ZNF735: variants seen among roughly 807,000 people sequenced by gnomAD.
ZNF735 encodes zinc finger protein 735.
A neutral mutation model predicts 13.4 loss-of-function variants in ZNF735; 11 were observed. The observed-to-expected ratio is 0.82, with a 90% CI of 0.52 to 1.36. The LOEUF (loss-of-function observed/expected upper bound fraction) is 1.36, where lower values mean the gene tolerates loss of function less well. Among genes scored for constraint, ZNF735 ranks in the 40% most tolerant of loss-of-function variants. The pLI, the probability that ZNF735 is intolerant of heterozygous loss-of-function variation, is 0.00. For synonymous variants in ZNF735, 171 were observed against 162.6 expected, an observed-to-expected ratio of 1.05 and a Z score of -0.39; for missense variants, 500 against 484.6, an observed-to-expected ratio of 1.03 and a Z score of -0.30.
intron 3 of ZNF735, 83 bp downstream of exon 3, chr7:64,214,191 C>A (rs1787393215): frequency 2.2e-6 from 3 of 1,372,486 alleles, no homozygotes; most frequent in Non-Finnish European, 3.0e-6. Context: ...ATGTGGTCTG[C>A]AGAGCTGTGC....
At chr7:64,207,797 A>G (rs1787307055) in intron 1 of ZNF735, among the ~76,000 whole-genome samples, 1 of 152,100 alleles carries the variant, frequency 6.6e-6, no homozygotes, top group East Asian at 1.9e-4. Context: ...GACCAGCATG[A>G]CCAACATGGT....
At chr7:64,219,543 A>G (rs563523760) in exon 4 of ZNF735, 1 of 1,593,686 alleles carries the variant, frequency 6.3e-7, no homozygotes, top group African/African-American at 1.3e-5. Flanking sequence ...AATGTGTCAA[A>G]GTCTTCAGTA....
At chr7:64,220,078 C>G (rs962865474) in exon 4 of ZNF735, 1 of 1,613,478 alleles carries the variant, frequency 6.2e-7, no homozygotes, top group Non-Finnish European at 8.5e-7. Flanking sequence ...TCTTAAGACA[C>G]ATAAGATAAT....
rs1787462539 is a variant in ZNF735, at chr7:64,219,588, T to A, written c.537T>A (p.Tyr179Ter). ...ATTCCAATAGACACAATGCAAGATA[T>A]ACTGGAAAGAAACATTTGAAATGTA... Residue 179 changes from tyrosine to a stop codon, truncating the protein, a stop_gained, in exon 4 of 4, where the codon TAT (tyrosine) becomes TAA (stop). Coordinates refer to ENST00000429565, the Ensembl canonical transcript of ZNF735. LOFTEE classifies it low-confidence loss of function (END_TRUNC). 6.3e-7 allele frequency: 1 copy of A among 1,577,318 alleles called. No individual in the cohort carries two copies. Among genetic ancestry groups the A allele is most frequent in the Non-Finnish European group, 8.6e-7 (1 of 1,159,822 alleles).
At chr7:64,220,104 A>G (rs972559613) in exon 4 of ZNF735, 1 of 1,613,522 alleles carries the variant, frequency 6.2e-7, no homozygotes, top group Admixed American at 1.7e-5. Flanking sequence ...CTGGAGAGAA[A>G]CCCTACACAT....
exon 3 of ZNF735, chr7:64,214,091 T>C: frequency 6.2e-7 from 1 of 1,600,300 alleles, no homozygotes; most frequent in Non-Finnish European, 8.5e-7. Context: ...AGAAATGAGA[T>C]GGCAGCCAAA....
chr7:64,210,659 T>C (rs1376920557), intron 1 of ZNF735, among the ~76,000 whole-genome samples: 1 of 152,140 alleles, frequency 6.6e-6, no homozygotes, highest in African/African-American at 2.4e-5. Context: ...CGTGCTCCCA[T>C]TACTGTAAAG....
chr7:64,215,043 A>G (rs1452066848), intron 3 of ZNF735, among the ~76,000 whole-genome samples: 3 of 150,654 alleles, frequency 2.0e-5, no homozygotes, highest in Admixed American at 6.6e-5. Flanking sequence ...ATTTAGTTTA[A>G]TCATTTGTCC....
At chr7:64,213,366 T>C in intron 2 of ZNF735, 148 bp downstream of exon 2, 1 of 846,822 alleles carries the variant, frequency 1.2e-6, no homozygotes, top group Non-Finnish European at 1.8e-6. Context: ...ATTAAATTCT[T>C]CAAGATGTTT....
chr7:64,213,163 GC>G lies in ZNF735; in HGVS notation c.112del (p.Gln38ArgfsTer7). 6.2e-7 allele frequency: 1 copy of G among 1,613,000 alleles called. No individual in the cohort carries two copies. On this transcript the variant is annotated frameshift_variant, in exon 2 of 4. Transcript: ENST00000429565. LOFTEE classifies it high-confidence loss of function. The stretch of plus-strand genomic sequence containing the variant: ...AGTGGCAATGCCTGGATCATGCTCA[GC>G]AGAATTTATATAGAGATGTGATGTT...
chr7:64,213,423 C>T (rs1787383714), intron 2 of ZNF735, among the ~76,000 whole-genome samples: 1 of 152,096 alleles, frequency 6.6e-6, no homozygotes, highest in South Asian at 2.1e-4. Context: ...GTATCTTTTG[C>T]TCTAGGTTAG....
At position 64,219,865 on chromosome 7, in the gene ZNF735, G is replaced by T; in HGVS notation, c.814G>T (p.Glu272Ter). The T allele has an allele frequency of 3.7e-6, 6 of 1,613,538 alleles. No homozygotes were observed. Among genetic ancestry groups the T allele is most frequent in the Non-Finnish European group, 5.1e-6 (6 of 1,179,816 alleles). The change falls in exon 4 of 4, where the codon GAA becomes TAA. Residue 272 changes from glutamate (E) to a stop codon, truncating the protein, a stop_gained. Transcript: ENST00000429565. LOFTEE classifies it low-confidence loss of function (END_TRUNC). ...CACTGGAGAGAAACCCTACGCATGT[G>T]AAGAATGTGGCCAAGCCTTTAGGCG...
At chr7:64,211,800 A>G (rs1370105629) in intron 1 of ZNF735, among the ~76,000 whole-genome samples, 1 of 151,494 alleles carries the variant, frequency 6.6e-6, no homozygotes, top group Non-Finnish European at 1.5e-5. Flanking sequence ...CAGGAGGCGG[A>G]GGTTGCAGTG....
intron 3 of ZNF735, among the ~76,000 whole-genome samples, chr7:64,217,495 A>AG (rs1020121570): frequency 1.1e-4 from 16 of 151,620 alleles, no homozygotes; most frequent in African/African-American, 3.9e-4. Flanking sequence ...TTTTATTTAA[A>AG]TTTTTTATTT....
At chr7:64,207,696 A>G (rs1011088123) in intron 1 of ZNF735, among the ~76,000 whole-genome samples, 1 of 152,202 alleles carries the variant, frequency 6.6e-6, no homozygotes, top group Non-Finnish European at 1.5e-5. Context: ...TGATTCAAGA[A>G]TCATAGAGCG....
In ZNF735 at chr7:64,213,358, T is replaced by C. The variant is rs192262395; in HGVS notation, c.166+140T>C. The stretch of plus-strand genomic sequence containing the variant: ...ATCTTGGGGATTCATTGGTGTAGAT[T>C]AAATTCTTCAAGATGTTTTATCTTG... On this transcript the variant is annotated intron_variant, in intron 2 of 3. Coordinates refer to ENST00000429565, the Ensembl canonical transcript of ZNF735. 21 of 867,624 alleles carry C rather than the reference T, an allele frequency of 2.4e-5. No individual in the cohort carries two copies. The African/African-American group carries it at 2.6e-4, about 11-fold the overall frequency. 53.7% of individuals were successfully genotyped at this position (867,624 alleles called of 1,614,324 possible).
intron 1 of ZNF735, among the ~76,000 whole-genome samples, chr7:64,210,783 CA>C (rs770816138): frequency 6.6e-6 from 1 of 152,124 alleles, no homozygotes; most frequent in East Asian, 1.9e-4. Context: ...TTATACACAA[CA>C]AAAATGGGTG....
intron 2 of ZNF735, among the ~76,000 whole-genome samples, chr7:64,213,474 A>C (rs10267331): frequency 0.72 from 108,808 of 152,030 alleles, 39,519 homozygotes; most frequent in East Asian, 0.9. Context: ...TAGCGTTGCC[A>C]ACACCTTAGA....
intron 1 of ZNF735, among the ~76,000 whole-genome samples, chr7:64,208,016 C>G (rs932414096): frequency 6.6e-6 from 1 of 151,848 alleles, no homozygotes; most frequent in African/African-American, 2.4e-5. Flanking sequence ...ATAGAGCGCC[C>G]AGCTATGGCT....
Sources: gnomAD v4.1 joint callset for allele counts (sites outside exome capture counted in the v4.1 genomes callset) on GRCh38, gnomAD v4.1.1 for gene constraint, MANE v1.5 for transcripts, NCBI Gene and HGNC (gene_info 2026-07-23, HGNC 2026-07-21) for gene names.